Variants in CDH26 observed in about 807,000 individuals in gnomAD.
CDH26 encodes cadherin 26.
In CDH26, 83 loss-of-function variants were observed where a neutral mutation model predicts 90.3. The observed-to-expected ratio is 0.92, with a 90% confidence interval of 0.77 to 1.10. The LOEUF (loss-of-function observed/expected upper bound fraction) is 1.10. CDH26 is among the 50% of genes least tolerant of loss of function. The probability of loss-of-function intolerance (pLI) is 0.00; values close to 1 mark genes in which losing one functional copy is unlikely to be tolerated. For synonymous variants in CDH26, 397 were observed against 396.3 expected, an observed-to-expected ratio of 1.00 and a Z score of -0.02; for missense variants, 1,013 against 1,037.6, an observed-to-expected ratio of 0.98 and a Z score of 0.33.
At position 59,995,768 on chromosome 20, in the gene CDH26, G is replaced by A. The variant is rs1411133399; in HGVS notation, c.1667-65G>A. On this transcript the variant is annotated intron_variant, in intron 11 of 17. Coordinates refer to ENST00000348616, the MANE Select transcript of CDH26 (RefSeq NM_177980.4). ...TTGGCCCGTGCAGGGCGTTCAGTAA[G>A]CGTGTGTTGAGCAGATGAGCAGATG... is the stretch of plus-strand genomic sequence containing the variant. The A allele has an allele frequency of 2.8e-5, 40 of 1,448,098 alleles. No individual in the cohort carries two copies. The Admixed American group carries it at 6.7e-4, about 24-fold the overall frequency. 89.7% of individuals were successfully genotyped at this position (1,448,098 alleles called of 1,614,324 possible).
intron 4 of CDH26, among the ~76,000 whole-genome samples, chr20:59,975,404 T>C (rs1443800189): frequency 2.6e-5 from 4 of 152,152 alleles, no homozygotes; most frequent in Non-Finnish European, 5.9e-5. Flanking sequence ...GAAGAGTCTC[T>C]CCTTCGGAGC....
intron 4 of CDH26, among the ~76,000 whole-genome samples, chr20:59,977,375 CT>C (rs1476199676): frequency 6.6e-6 from 1 of 152,180 alleles, no homozygotes; most frequent in Non-Finnish European, 1.5e-5. Context: ...CTCTGAACTC[CT>C]GCCTTTGCCC....
chr20:59,991,699 G>C (rs749389478), intron 9 of CDH26, among the ~76,000 whole-genome samples: 11 of 152,172 alleles, frequency 7.2e-5, no homozygotes, highest in South Asian at 2.1e-4. Context: ...GCCCCTCTCC[G>C]CACCTTTCTG....
At chr20:59,977,641 A>G (rs1024304881) in intron 4 of CDH26, among the ~76,000 whole-genome samples, 53 of 151,858 alleles carry the variant, frequency 3.5e-4, no homozygotes, top group African/African-American at 1.2e-3. Context: ...CACAGAACAG[A>G]AAGCACAGTT....
At position 60,001,487 on chromosome 20, in the gene CDH26, G is replaced by A. The variant is rs180677949; in HGVS notation, c.2166+76G>A. On this transcript the variant is annotated intron_variant, in intron 15 of 17. Coordinates refer to ENST00000348616, the MANE Select transcript of CDH26 (RefSeq NM_177980.4). ...CAGTTGGTCCCCCTGAGAGAGGGCC[G>A]TTGTAGAAGATTCGGTGATACTGTC... The A allele has an allele frequency of 2.0e-3, 3,094 of 1,555,938 alleles. 15 individuals are homozygous for A. Among genetic ancestry groups the A allele is most frequent in the Middle Eastern group, 9.0e-3 (45 of 4,986 alleles).
At chr20:60,025,155 G>A (rs112658156) in intron 7 of CDH26, among the ~76,000 whole-genome samples, 2,388 of 152,308 alleles carry the variant, frequency 0.016, 29 homozygotes, top group Middle Eastern at 0.044. Context: ...CATTTGTGGG[G>A]GCACTGTGTT....
At chr20:60,011,900 A>G (rs1296527584) in intron 17 of CDH26, among the ~76,000 whole-genome samples, 3 of 152,140 alleles carry the variant, frequency 2.0e-5, no homozygotes, top group African/African-American at 2.4e-5. Context: ...GGAGTGTCAC[A>G]GAGAGAGATG....
At chr20:60,018,943 G>T (rs909199177), downstream of CDH26, among the ~76,000 whole-genome samples, 13 of 151,852 alleles carry the variant, frequency 8.6e-5, no homozygotes, top group Non-Finnish European at 1.9e-4. Context: ...GTCTGTGAAA[G>T]ATTTTACTTT....
At chr20:60,009,863 T>C (rs2061806647) in intron 17 of CDH26, among the ~76,000 whole-genome samples, 1 of 152,110 alleles carries the variant, frequency 6.6e-6, no homozygotes, top group East Asian at 1.9e-4. Flanking sequence ...CTATTCAGCT[T>C]CACTGCAAGG....
chr20:59,988,512 A>G (rs2061485701), intron 8 of CDH26, among the ~76,000 whole-genome samples: 1 of 152,236 alleles, frequency 6.6e-6, no homozygotes, highest in East Asian at 1.9e-4. Flanking sequence ...CAGGCTTTCA[A>G]TCCTTTTAAG....
At chr20:60,019,192 A>G (rs1189340574), downstream of CDH26, among the ~76,000 whole-genome samples, 1 of 152,066 alleles carries the variant, frequency 6.6e-6, no homozygotes, top group Non-Finnish European at 1.5e-5. Context: ...ACTTGGAGAG[A>G]ATCTATTTGG....
At chr20:59,965,951 A>T (rs1569022634) in intron 1 of CDH26, among the ~76,000 whole-genome samples, 1 of 152,196 alleles carries the variant, frequency 6.6e-6, no homozygotes, top group African/African-American at 2.4e-5. Flanking sequence ...CTGTGTGGAC[A>T]TATTTCAGCC....
chr20:59,979,730 G>A (rs142932331), intron 4 of CDH26, among the ~76,000 whole-genome samples: 4,373 of 144,322 alleles, frequency 0.03, 117 homozygotes, highest in African/African-American at 0.068. Flanking sequence ...GGGTTCAAGC[G>A]ATTCTCCTGC....
At chr20:60,006,553 AAGAG>A (rs2061753228) in intron 16 of CDH26, among the ~76,000 whole-genome samples, 156 bp from the exon 17 acceptor site, 1 of 152,088 alleles carries the variant, frequency 6.6e-6, no homozygotes, top group Admixed American at 6.5e-5. Flanking sequence ...CCCCAACACA[AAGAG>A]AGGAAACGTG....
chr20:59,995,307 T>C (rs2061579103), intron 11 of CDH26, among the ~76,000 whole-genome samples: 1 of 152,084 alleles, frequency 6.6e-6, no homozygotes, highest in African/African-American at 2.4e-5. Context: ...ATAGTATCAG[T>C]CTATTACCAG....
At chr20:60,006,126 C>T (rs937456948) in intron 16 of CDH26, among the ~76,000 whole-genome samples, 2 of 152,232 alleles carry the variant, frequency 1.3e-5, no homozygotes, top group Admixed American at 1.3e-4. Flanking sequence ...TGCGTGAGCT[C>T]GACAGTGAGG....
intron 1 of CDH26, among the ~76,000 whole-genome samples, chr20:59,966,173 C>A (rs1330422911): frequency 6.8e-6 from 1 of 147,612 alleles, no homozygotes; most frequent in Non-Finnish European, 1.5e-5. Flanking sequence ...ATATCAGATA[C>A]CCTGGCGTGA....
intron 1 of CDH26, among the ~76,000 whole-genome samples, chr20:59,962,902 T>G (rs141187499): frequency 2.1e-4 from 32 of 152,148 alleles, no homozygotes; most frequent in Admixed American, 3.9e-4. Context: ...GCCCCCAGGA[T>G]GGGCAGGATT....
chr20:60,002,242 G>A (rs923667587), intron 15 of CDH26, among the ~76,000 whole-genome samples: 2 of 151,990 alleles, frequency 1.3e-5, no homozygotes, highest in African/African-American at 4.8e-5. Flanking sequence ...GTTCTTCTTT[G>A]CACAAAGATG....
Sources: gnomAD v4.1 joint callset for allele counts (sites outside exome capture counted in the v4.1 genomes callset) on GRCh38, gnomAD v4.1.1 for gene constraint, MANE v1.5 for transcripts, NCBI Gene and HGNC (gene_info 2026-07-23, HGNC 2026-07-21) for gene names.